ZNF420: variants seen among roughly 807,000 people sequenced by gnomAD.
The protein encoded by ZNF420 is zinc finger protein 420.
A neutral mutation model predicts 44.7 loss-of-function variants in ZNF420; 31 were observed. The ratio of observed to expected loss-of-function variants is 0.69; its 90% CI spans 0.52 to 0.94. The LOEUF (loss-of-function observed/expected upper bound fraction) is 0.94. Among genes scored for constraint, ZNF420 ranks in the 40% least tolerant of loss-of-function variants. The pLI, the probability that ZNF420 is intolerant of heterozygous loss-of-function variation, is 0.00. For synonymous variants in ZNF420, 245 were observed against 267.4 expected (o/e 0.92, Z 0.82); for missense variants, 681 against 827.9 (o/e 0.82, Z 2.18).
intron 1 of ZNF420, among the ~76,000 whole-genome samples, chr19:37,012,766 CTGTGTGTG>C (rs1313118317): frequency 4.2e-5 from 2 of 48,082 alleles, no homozygotes; most frequent in Admixed American, 1.8e-4. Context: ...CTATATGTCT[CTGTGTGTG>C]TGTGTGTGTG....
chr19:37,119,448 A>T (rs1174697407), intron 4 of ZNF420, among the ~76,000 whole-genome samples: 1 of 152,208 alleles, frequency 6.6e-6, no homozygotes, highest in African/African-American at 2.4e-5. Context: ...AACATACCAG[A>T]ATCTCTGGGA....
At chr19:37,039,649 A>G (rs1409433988) in intron 1 of ZNF420, among the ~76,000 whole-genome samples, 2 of 152,094 alleles carry the variant, frequency 1.3e-5, no homozygotes, top group African/African-American at 4.8e-5. Context: ...GGAATCACAA[A>G]TCAGCACTGG....
intron 1 of ZNF420, among the ~76,000 whole-genome samples, chr19:37,014,482 T>G (rs2074594842): frequency 6.6e-6 from 1 of 151,856 alleles, no homozygotes; most frequent in Admixed American, 6.6e-5. Context: ...CTGAAGCGCC[T>G]CCTCCTCCAC....
At chr19:37,039,768 T>C (rs758586790) in intron 1 of ZNF420, among the ~76,000 whole-genome samples, 1 of 151,950 alleles carries the variant, frequency 6.6e-6, no homozygotes, top group African/African-American at 2.4e-5. Flanking sequence ...TGGTGTGATC[T>C]TGGGCAACTG....
intron 1 of ZNF420, among the ~76,000 whole-genome samples, chr19:37,044,490 G>T (rs1274293404): frequency 2.0e-5 from 3 of 152,166 alleles, no homozygotes; most frequent in African/African-American, 7.2e-5. Context: ...TATAGCCTAA[G>T]GTAATGCCCT....
At chr19:37,120,857 G>C (rs1335590742) in intron 4 of ZNF420, among the ~76,000 whole-genome samples, 1 of 152,134 alleles carries the variant, frequency 6.6e-6, no homozygotes, top group African/African-American at 2.4e-5. Flanking sequence ...CAAATCATGA[G>C]TGAACTCCCA....
chr19:37,087,874 T>G (rs1259018343), intron 2 of ZNF420, among the ~76,000 whole-genome samples: 1 of 152,210 alleles, frequency 6.6e-6, no homozygotes, highest in African/African-American at 2.4e-5. Flanking sequence ...CTAGATCTCC[T>G]GACCTCGTGA....
chr19:37,010,286 G>A (rs2074558726), intron 1 of ZNF420, among the ~76,000 whole-genome samples: 1 of 152,178 alleles, frequency 6.6e-6, no homozygotes, highest in Admixed American at 6.5e-5. Flanking sequence ...AACCATTGGC[G>A]GAAAATGGCA....
intron 4 of ZNF420, among the ~76,000 whole-genome samples, chr19:37,098,550 GTT>G (rs1969589318): frequency 6.6e-6 from 1 of 152,068 alleles, no homozygotes; most frequent in Non-Finnish European, 1.5e-5. Context: ...ACTTTTAAAA[GTT>G]TTGTTTTATT....
chr19:37,107,959 T>C (rs949155109), intron 4 of ZNF420, among the ~76,000 whole-genome samples: 1 of 152,214 alleles, frequency 6.6e-6, no homozygotes, highest in African/African-American at 2.4e-5. Flanking sequence ...AGACTCATTA[T>C]AAACTCCAGG....
At chr19:37,079,745 C>T (rs1296195155) in intron 1 of ZNF420, among the ~76,000 whole-genome samples, 1 of 152,040 alleles carries the variant, frequency 6.6e-6, no homozygotes, top group African/African-American at 2.4e-5. Context: ...GGATGCTGTG[C>T]GCGGTGGCTC....
intron 2 of ZNF420, among the ~76,000 whole-genome samples, chr19:37,082,952 T>C (rs1968543625): frequency 6.6e-6 from 1 of 152,210 alleles, no homozygotes. Context: ...AGTGTCCATT[T>C]CTGTCCCCTC....
chr19:37,047,300 G>T (rs1229135125), intron 1 of ZNF420, among the ~76,000 whole-genome samples: 2 of 152,186 alleles, frequency 1.3e-5, no homozygotes, highest in Admixed American at 1.3e-4. Context: ...TTCATCAATG[G>T]GTTACACAAA....
chr19:37,113,752 G>A (rs969535327), intron 4 of ZNF420, among the ~76,000 whole-genome samples: 6 of 152,118 alleles, frequency 3.9e-5, no homozygotes, highest in Non-Finnish European at 7.4e-5. Flanking sequence ...AATTAGTAGT[G>A]CTCCAATTTT....
chr19:37,008,326 G>A (rs1418457805), intron 1 of ZNF420, among the ~76,000 whole-genome samples: 3 of 152,160 alleles, frequency 2.0e-5, no homozygotes, highest in Non-Finnish European at 4.4e-5. Context: ...GTGTGTCCGT[G>A]TGAGTGTGTT....
At chr19:37,010,438 A>G (rs540117400) in intron 1 of ZNF420, among the ~76,000 whole-genome samples, 1 of 152,148 alleles carries the variant, frequency 6.6e-6, no homozygotes, top group African/African-American at 2.4e-5. Flanking sequence ...GTTCTCGCAA[A>G]GAGCAGAACC....
At chr19:37,043,175 T>G (rs7249696) in intron 1 of ZNF420, among the ~76,000 whole-genome samples, 26,924 of 152,082 alleles carry the variant, frequency 0.18, 2,595 homozygotes, top group African/African-American at 0.26. Context: ...TGTGACAGAG[T>G]CACAAACTGA....
chr19:37,125,613 GTT>G (rs1302355004), intron 4 of ZNF420, among the ~76,000 whole-genome samples: 1 of 152,038 alleles, frequency 6.6e-6, no homozygotes. Context: ...AGTTTCTTTT[GTT>G]TTTTCTCCTG....
intron 4 of ZNF420, among the ~76,000 whole-genome samples, chr19:37,098,750 A>G (rs1473535043): frequency 6.6e-6 from 1 of 152,136 alleles, no homozygotes; most frequent in African/African-American, 2.4e-5. Flanking sequence ...ATTTTTGTTG[A>G]CTATATAGTC....
Sources: gnomAD v4.1 joint callset for allele counts (sites outside exome capture counted in the v4.1 genomes callset) on GRCh38, gnomAD v4.1.1 for gene constraint, MANE v1.5 for transcripts, NCBI Gene and HGNC (gene_info 2026-07-23, HGNC 2026-07-21) for gene names.